PROC: variants seen among roughly 807,000 people sequenced by gnomAD.
PROC encodes vitamin K-dependent protein C.
A neutral mutation model predicts 36.3 loss-of-function variants in PROC; 22 were observed. The observed-to-expected ratio is 0.61, with a 90% CI of 0.43 to 0.86. PROC has a LOEUF of 0.86. Among genes scored for constraint, PROC ranks in the 40% least tolerant of loss-of-function variants. The pLI is 0.00. For synonymous variants in PROC, 218 were observed against 244.5 expected (o/e 0.89, Z 1.01); for missense variants, 526 against 629.7 (o/e 0.84, Z 1.76).
rs753718204 is a variant in PROC, at chr2:127,419,916, C to T, written c.-21-6C>T. 6.2e-7 allele frequency: 1 copy of T among 1,613,940 alleles called. No individual in the cohort carries two copies. Among genetic ancestry groups the T allele is most frequent in the South Asian group, 1.1e-5 (1 of 91,080 alleles). ...GCACTGCCCGGAGCTCAGAAGTCCT[C>T]CTCAGACAGGTGCCAGTGCCTCCAG... On this transcript the variant is annotated splice_polypyrimidine_tract_variant and splice_region_variant and intron_variant, in intron 1 of 8. Coordinates refer to ENST00000234071, the MANE Select transcript of PROC (RefSeq NM_000312.4).
In PROC at chr2:127,428,543, G is replaced by A. The variant is rs1688677671; in HGVS notation, c.983G>A (p.Arg328His). Residue 328 changes from arginine to histidine, a missense_variant, in exon 9 of 9, where the codon CGC becomes CAC. Physicochemically the swap from Arg to His is conservative, Grantham distance 29. Coordinates refer to ENST00000234071, the MANE Select transcript of PROC (RefSeq NM_000312.4). Reference sequence around the variant, plus strand: ...CTCCCGGACAGCGGCCTTGCAGAGCGCGAGCTCAATCAGGCCGGCCAGGAG... The same window carrying A: ...CTCCCGGACAGCGGCCTTGCAGAGCACGAGCTCAATCAGGCCGGCCAGGAG... ...ICLPDSGLAE[R>H]ELNQAGQETL... is the part of the protein sequence containing the mutation. 1.2e-6 allele frequency: 2 copies of A among 1,613,938 alleles called. No individual in the cohort carries two copies. Among genetic ancestry groups the A allele is most frequent in the Non-Finnish European group, 1.7e-6 (2 of 1,180,034 alleles).
chr2:127,427,570 C>A (rs533915812), intron 8 of PROC, among the ~76,000 whole-genome samples: 3 of 152,266 alleles, frequency 2.0e-5, no homozygotes, highest in African/African-American at 7.2e-5. Flanking sequence ...ACCAGCAAGG[C>A]CTGGCCTCAG....
chr2:127,422,788 G>T, intron 3 of PROC, 129 bp from the exon 4 acceptor site: 1 of 1,303,584 alleles, frequency 7.7e-7, no homozygotes, highest in South Asian at 1.3e-5. Context: ...AACGACCATC[G>T]GGCGTCGATC....
chr2:127,427,311 C>A (rs1195978551), intron 8 of PROC, 89 bp downstream of exon 8: 2 of 1,177,352 alleles, frequency 1.7e-6, no homozygotes, highest in East Asian at 2.3e-5. Context: ...ACCCCGCTCC[C>A]CAGGTGCTTA....
chr2:127,429,025 GC>G lies in PROC; in HGVS notation c.*80del. 6.6e-7 allele frequency: 1 copy of G among 1,510,348 alleles called. No individual in the cohort carries two copies. Among genetic ancestry groups the G allele is most frequent in the African/African-American group, 1.4e-5 (1 of 72,800 alleles). 93.6% of individuals were successfully genotyped at this position (1,510,348 alleles called of 1,614,324 possible). ...GGACATGTAACAAGCACACCGGCCT[GC>G]TGTTCTGTCCTTCCATCCCTCTTTT... On this transcript the variant is annotated 3_prime_UTR_variant, in exon 9 of 9. Coordinates refer to ENST00000234071, the MANE Select transcript of PROC (RefSeq NM_000312.4).
Position 127,428,821 on chromosome 2 carries a change from A to G in PROC, c.1261A>G (p.Ser421Gly), listed in dbSNP as rs764364405. 3 of 1,612,092 alleles carry G rather than the reference A, an allele frequency of 1.9e-6. No homozygotes were observed. In the South Asian group the frequency reaches 3.3e-5, roughly 18 times the overall value. The stretch of plus-strand genomic sequence containing the variant: ...CACCTGGTTCCTGGTGGGCCTGGTG[A>G]GCTGGGGTGAGGGCTGTGGGCTCCT... ...HGTWFLVGLV[S>G]WGEGCGLLHN... The change falls in exon 9 of 9, where the codon AGC (serine) becomes GGC (glycine). Residue 421 changes from serine to glycine, a missense_variant. Coordinates refer to ENST00000234071, the MANE Select transcript of PROC (RefSeq NM_000312.4).
In PROC at chr2:127,426,989, T is replaced by C; in HGVS notation, c.679-116T>C. On this transcript the variant is annotated intron_variant, in intron 7 of 8. Transcript: ENST00000234071. The surrounding 1 kb of genome is among the most constrained non-coding windows in gnomAD (Gnocchi z 7.0). Reference sequence around the variant, plus strand: ...AAAATAGAAAACGCCAGAAAGGGCCTAAGCCTATGCCCATATGACCAGGGA... The same window carrying C: ...AAAATAGAAAACGCCAGAAAGGGCCCAAGCCTATGCCCATATGACCAGGGA... 1 of 905,734 alleles carries C rather than the reference T, an allele frequency of 1.1e-6. No homozygotes were observed. Among genetic ancestry groups the C allele is most frequent in the South Asian group, 1.3e-5 (1 of 76,410 alleles). 56.1% of individuals were successfully genotyped at this position (905,734 alleles called of 1,614,324 possible). A position where few individuals can be genotyped will look rare whatever the true frequency, so the allele number is the denominator to read the frequency against.
chr2:127,425,933 A>G, intron 6 of PROC, 152 bp from the exon 7 acceptor site: 1 of 773,636 alleles, frequency 1.3e-6, no homozygotes, highest in Non-Finnish European at 2.2e-6. Flanking sequence ...GAGGGGGTTC[A>G]TAGCTAATAT....
intron 1 of PROC, chr2:127,419,717 G>A: frequency 8.2e-7 from 1 of 1,216,288 alleles, no homozygotes; most frequent in Non-Finnish European, 1.1e-6. Context: ...TGCTTTCTAG[G>A]CAGGCAGTGT....
intron 6 of PROC, among the ~76,000 whole-genome samples, chr2:127,424,871 T>C (rs1203323194): frequency 2.6e-5 from 4 of 152,118 alleles, no homozygotes; most frequent in Non-Finnish European, 1.5e-5. Flanking sequence ...CTAAGAGGAC[T>C]CCTCCAAGCT....
chr2:127,423,220 CGGGTT>C (rs1558713543), intron 5 of PROC, 49 bp downstream of exon 5: 4 of 1,349,258 alleles, frequency 3.0e-6, no homozygotes, highest in Non-Finnish European at 4.1e-6. Flanking sequence ...GGGCTGGGGC[CGGGTT>C]GGGGGCGCGG....
chr2:127,426,559 G>A lies in PROC; in HGVS notation c.678+332G>A. ...GGAGAGGGCTAGGAGGGAGGGCCGG[G>A]CCTGAGTACCCCTCCAGCCTCCACA... On this transcript the variant is annotated intron_variant, in intron 7 of 8. Coordinates refer to ENST00000234071, the MANE Select transcript of PROC (RefSeq NM_000312.4). The surrounding 1 kb of genome is among the most constrained non-coding windows in gnomAD (Gnocchi z 7.0). 1 of 408,498 alleles carries A rather than the reference G, an allele frequency of 2.4e-6. No individual in the cohort carries two copies. Among genetic ancestry groups the A allele is most frequent in the South Asian group, 2.2e-5 (1 of 44,972 alleles). The allele number at this position is 408,498 out of a possible 1,614,324, so 25.3% of individuals were successfully genotyped here.
In PROC at chr2:127,428,341, G is replaced by A; in HGVS notation, c.797-16G>A. On this transcript the variant is annotated splice_polypyrimidine_tract_variant and intron_variant, in intron 8 of 8. Coordinates refer to ENST00000234071, the MANE Select transcript of PROC (RefSeq NM_000312.4). Reference sequence around the variant, plus strand: ...GCTCCCCGCAGCCCACTCTGACTGTGCCCTCTGCCCTGCAGGAGAGTATGA... The same window carrying A: ...GCTCCCCGCAGCCCACTCTGACTGTACCCTCTGCCCTGCAGGAGAGTATGA... The A allele has an allele frequency of 1.2e-6, 2 of 1,612,606 alleles. No individual in the cohort carries two copies. The highest frequency in any genetic ancestry group is 1.7e-6 in the Non-Finnish European group (2 of 1,179,318).
chr2:127,422,074 A>C (rs534210276), intron 3 of PROC, among the ~76,000 whole-genome samples: 1 of 152,238 alleles, frequency 6.6e-6, no homozygotes, highest in Non-Finnish European at 1.5e-5. Flanking sequence ...AGCCACTAGG[A>C]CCTGAAAATT....
chr2:127,425,122 C>T (rs1427493760), intron 6 of PROC, among the ~76,000 whole-genome samples: 1 of 152,212 alleles, frequency 6.6e-6, no homozygotes, highest in African/African-American at 2.4e-5. Flanking sequence ...CTTACAAACT[C>T]TCAACATGCC....
Position 127,426,182 on chromosome 2 carries a change from G to A in PROC, c.633G>A (p.Arg211=). The A allele has an allele frequency of 6.2e-7, 1 of 1,614,124 alleles. No individual in the cohort carries two copies. Among genetic ancestry groups the A allele is most frequent in the South Asian group, 1.1e-5 (1 of 91,090 alleles). The part of the protein sequence containing the change: ...TEDQEDQVDP[R]LIDGKMTRRG... The stretch of plus-strand genomic sequence containing the variant: ...ACCAAGAAGACCAAGTAGATCCGCG[G>A]CTCATTGATGGGAAGATGACCAGGC... Residue 211 remains arginine, a synonymous_variant, in exon 7 of 9, where the codon CGG becomes CGA. Coordinates refer to ENST00000234071, the MANE Select transcript of PROC (RefSeq NM_000312.4). This position sits in a 1 kb window ranked among gnomAD's most constrained non-coding sequence, Gnocchi z 7.0.
At chr2:127,422,424 G>GT (rs1688154949) in intron 3 of PROC, among the ~76,000 whole-genome samples, 1 of 152,238 alleles carries the variant, frequency 6.6e-6, no homozygotes, top group South Asian at 2.1e-4. Context: ...GGTGGTCCTG[G>GT]ACCAGCAGCA....
At position 127,426,523 on chromosome 2, in the gene PROC, C is replaced by A; in HGVS notation, c.678+296C>A. On this transcript the variant is annotated intron_variant, in intron 7 of 8. Transcript: ENST00000234071. The surrounding 1 kb of genome is among the most constrained non-coding windows in gnomAD (Gnocchi z 7.0). The stretch of plus-strand genomic sequence containing the variant: ...CTGCTGGCGGGATTTTAGGCAGAAG[C>A]CCTGCTGATGGGAGAGGGCTAGGAG... 2.2e-6 allele frequency: 1 copy of A among 461,380 alleles called. No homozygotes were observed. The highest frequency in any genetic ancestry group is 4.0e-6 in the Non-Finnish European group (1 of 250,150). The allele number at this position is 461,380 out of a possible 1,614,324, so 28.6% of individuals were successfully genotyped here.
intron 2 of PROC, 42 bp from the exon 3 acceptor site, chr2:127,421,230 AGCCCCTCTTAG>A (rs1688070891): frequency 8.9e-6 from 14 of 1,578,430 alleles, no homozygotes; most frequent in Admixed American, 1.7e-5. Context: ...TCATGGCCCC[AGCCCCTCTTAG>A]GCCCCTCCAC....
Sources: allele counts gnomAD v4.1 joint callset (sites outside exome capture counted in the v4.1 genomes callset), GRCh38; gene constraint gnomAD v4.1.1; non-coding constraint Gnocchi (gnomAD v3.1); transcripts MANE v1.5; gene names NCBI Gene and HGNC (gene_info 2026-07-23, HGNC 2026-07-21).